The following CWC27 variants were observed in gnomAD, a reference collection of about 807,000 sequenced individuals.
CWC27 encodes the protein CWC27 spliceosome associated cyclophilin.
Under a neutral mutation model 63.6 loss-of-function variants are expected in CWC27, and 47 were observed. The observed-to-expected ratio is 0.74, with a 90% confidence interval of 0.58 to 0.94. The LOEUF (loss-of-function observed/expected upper bound fraction) is 0.94. Among genes scored for constraint, CWC27 ranks in the 40% least tolerant of loss-of-function variants. The probability of loss-of-function intolerance (pLI) is 0.00; values close to 1 mark genes in which losing one functional copy is unlikely to be tolerated. For synonymous variants in CWC27, 175 were observed against 179.8 expected, an observed-to-expected ratio of 0.97 and a Z score of 0.22; for missense variants, 495 against 554.3, an observed-to-expected ratio of 0.89 and a Z score of 1.07.
At chr5:64,993,392 C>G (rs1580769957) in intron 13 of CWC27, among the ~76,000 whole-genome samples, 1 of 151,896 alleles carries the variant, frequency 6.6e-6, no homozygotes, top group East Asian at 1.9e-4. Flanking sequence ...TATCTATGAC[C>G]TAGAAGGAAT....
chr5:64,863,336 C>T (rs1245183012), intron 10 of CWC27, among the ~76,000 whole-genome samples: 1 of 152,026 alleles, frequency 6.6e-6, no homozygotes, highest in Non-Finnish European at 1.5e-5. Context: ...TGTATGATGT[C>T]TACTTACCTC....
chr5:64,927,324 C>T (rs981737258), intron 11 of CWC27, among the ~76,000 whole-genome samples: 1 of 152,182 alleles, frequency 6.6e-6, no homozygotes, highest in Non-Finnish European at 1.5e-5. Context: ...TAGATGGTGA[C>T]GTTTATATTG....
At chr5:64,769,211 T>A in intron 1 of CWC27, 23 bp downstream of exon 1, 1 of 1,612,742 alleles carries the variant, frequency 6.2e-7, no homozygotes, top group South Asian at 1.1e-5. Context: ...TCTAGGGAAC[T>A]TGGGGTCCTG....
chr5:64,871,409 CTA>C (rs1311212137), intron 10 of CWC27, among the ~76,000 whole-genome samples: 1 of 151,934 alleles, frequency 6.6e-6, no homozygotes. Context: ...TGAAGGATGA[CTA>C]TGAGTTATGA....
intron 13 of CWC27, among the ~76,000 whole-genome samples, chr5:65,002,739 T>C (rs1405483848): frequency 6.6e-6 from 1 of 152,180 alleles, no homozygotes; most frequent in Non-Finnish European, 1.5e-5. Context: ...TTCCATGTGC[T>C]GATGAGGAGA....
intron 10 of CWC27, among the ~76,000 whole-genome samples, chr5:64,881,489 C>T (rs750863369): frequency 6.6e-6 from 1 of 152,114 alleles, no homozygotes; most frequent in African/African-American, 2.4e-5. Context: ...GCCCATATGA[C>T]AGACAGCTCT....
intron 11 of CWC27, among the ~76,000 whole-genome samples, chr5:64,964,694 T>C (rs140730639): frequency 9.2e-5 from 14 of 152,314 alleles, no homozygotes; most frequent in Non-Finnish European, 1.8e-4. Flanking sequence ...AAATACTACA[T>C]GTTTCAGTGG....
intron 10 of CWC27, among the ~76,000 whole-genome samples, chr5:64,840,383 AAAAAAAAAAAAATATATATATATAT>A (rs1222672909): frequency 3.6e-4 from 26 of 72,062 alleles, no homozygotes; most frequent in Non-Finnish European, 5.8e-4. Context: ...AAAAAAAAAA[AAAAAAAAAAAAATATATATATATAT>A]ATATATATAT....
chr5:64,814,968 T>C (rs1744986560), intron 10 of CWC27, among the ~76,000 whole-genome samples: 1 of 152,050 alleles, frequency 6.6e-6, no homozygotes, highest in African/African-American at 2.4e-5. Context: ...GACCTGAAGG[T>C]ATATTTCAAA....
intron 11 of CWC27, among the ~76,000 whole-genome samples, chr5:64,896,299 G>T (rs895824621): frequency 6.6e-6 from 1 of 152,170 alleles, no homozygotes; most frequent in African/African-American, 2.4e-5. Flanking sequence ...AATTCTAAAG[G>T]ATATACTTAT....
intron 7 of CWC27, among the ~76,000 whole-genome samples, chr5:64,794,668 A>C (rs1375587454): frequency 6.6e-6 from 1 of 152,142 alleles, no homozygotes; most frequent in African/African-American, 2.4e-5. Flanking sequence ...ATAATACTTT[A>C]GAGAAATAAA....
intron 11 of CWC27, among the ~76,000 whole-genome samples, chr5:64,918,919 G>A (rs114556624): frequency 3.3e-5 from 5 of 152,072 alleles, no homozygotes; most frequent in African/African-American, 1.2e-4. Flanking sequence ...CATTCTTCCG[G>A]AGTTTATAAA....
intron 6 of CWC27, among the ~76,000 whole-genome samples, 178 bp from the exon 7 acceptor site, chr5:64,788,773 C>G (rs561164466): frequency 6.6e-6 from 1 of 152,002 alleles, no homozygotes; most frequent in Non-Finnish European, 1.5e-5. Context: ...TAACATCATA[C>G]TGAAAATACA....
intron 10 of CWC27, among the ~76,000 whole-genome samples, chr5:64,864,728 C>T (rs1046517460): frequency 1.3e-5 from 2 of 152,030 alleles, no homozygotes; most frequent in African/African-American, 2.4e-5. Context: ...GTTCACAATG[C>T]ATTTCGTCAC....
intron 13 of CWC27, among the ~76,000 whole-genome samples, chr5:64,980,098 G>T (rs1749308289): frequency 6.6e-6 from 1 of 152,018 alleles, no homozygotes; most frequent in Non-Finnish European, 1.5e-5. Flanking sequence ...GTTATTAGTA[G>T]ATCTAAACTG....
chr5:64,807,797 T>C (rs1252991452), intron 10 of CWC27: 2 of 1,535,328 alleles, frequency 1.3e-6, no homozygotes, highest in Admixed American at 3.9e-5. Context: ...CTTGTTTTTT[T>C]ATGAAATGAG....
intron 10 of CWC27, among the ~76,000 whole-genome samples, chr5:64,871,531 T>A (rs994030190): frequency 6.6e-6 from 1 of 152,058 alleles, no homozygotes; most frequent in Non-Finnish European, 1.5e-5. Flanking sequence ...TGGGAATGCA[T>A]GCAAAAAGTG....
chr5:64,914,410 A>G (rs916231014), intron 11 of CWC27, among the ~76,000 whole-genome samples: 2 of 152,156 alleles, frequency 1.3e-5, no homozygotes, highest in African/African-American at 4.8e-5. Flanking sequence ...CATAGCCAGG[A>G]TATCTAAAGA....
intron 10 of CWC27, among the ~76,000 whole-genome samples, chr5:64,837,970 GA>G (rs746117349): frequency 5.3e-5 from 8 of 152,084 alleles, no homozygotes; most frequent in Non-Finnish European, 1.0e-4. Flanking sequence ...TTTTCCTAGA[GA>G]TTTTTAGATG....
Sources: allele counts gnomAD v4.1 joint callset (sites outside exome capture counted in the v4.1 genomes callset), GRCh38; gene constraint gnomAD v4.1.1; transcripts MANE v1.5; gene names NCBI Gene and HGNC (gene_info 2026-07-23, HGNC 2026-07-21).